Variants in KIAA1671 observed in about 807,000 individuals in gnomAD.
KIAA1671 encodes the protein KIAA1671.
In KIAA1671, 52 loss-of-function variants were observed where a neutral mutation model predicts 131.2. That is an observed-to-expected ratio of 0.40 (90% CI 0.32 to 0.50). The LOEUF is 0.50. Ranked by LOEUF, KIAA1671 falls within the 20% of genes least tolerant of loss-of-function variation. The pLI is 0.73. For missense variants in KIAA1671, 2,360 were observed against 2,364.2 expected (o/e 1.00, Z 0.04); for synonymous variants, 1,003 against 961.6 (o/e 1.04, Z -0.80).
chr22:25,002,580 AGAT>A (rs1924534231), intron 1 of KIAA1671, among the ~76,000 whole-genome samples: 1 of 152,180 alleles, frequency 6.6e-6, no homozygotes, highest in Non-Finnish European at 1.5e-5. Context: ...GAAAAACTGC[AGAT>A]GTCCTCAGGC....
chr22:25,105,827 G>T (rs1002190476), intron 6 of KIAA1671, among the ~76,000 whole-genome samples: 6 of 151,960 alleles, frequency 3.9e-5, no homozygotes, highest in East Asian at 3.9e-4. Flanking sequence ...GTTGGGGGGG[G>T]GGGGTGCCAA....
intron 3 of KIAA1671, among the ~76,000 whole-genome samples, chr22:25,031,485 C>G (rs1926290597): frequency 6.6e-6 from 1 of 151,436 alleles, no homozygotes; most frequent in Non-Finnish European, 1.5e-5. Flanking sequence ...CGTGAGCCAC[C>G]ACGCCCGGCC....
intron 6 of KIAA1671, among the ~76,000 whole-genome samples, chr22:25,085,516 C>CT (rs1209742300): frequency 2.0e-5 from 3 of 151,076 alleles, no homozygotes; most frequent in Admixed American, 1.3e-4. Context: ...ACCTCCCCCC[C>CT]CATAACCCCC....
At chr22:25,129,778 C>T (rs1313343852) in intron 6 of KIAA1671, among the ~76,000 whole-genome samples, 2 of 152,040 alleles carry the variant, frequency 1.3e-5, no homozygotes, top group Non-Finnish European at 2.9e-5. Flanking sequence ...CTTCCTGCCT[C>T]AGCCTCCCAA....
intron 1 of KIAA1671, among the ~76,000 whole-genome samples, chr22:25,020,905 G>A (rs1925632302): frequency 6.6e-6 from 1 of 152,170 alleles, no homozygotes; most frequent in Admixed American, 6.5e-5. Flanking sequence ...GGGCCTCGGG[G>A]AAGAAGTGTG....
At chr22:25,107,869 G>A (rs553131605) in intron 6 of KIAA1671, among the ~76,000 whole-genome samples, 30 of 152,190 alleles carry the variant, frequency 2.0e-4, no homozygotes, top group Non-Finnish European at 3.7e-4. Flanking sequence ...TTAGCCAGGC[G>A]TGGTGGTGCA....
chr22:25,121,636 G>A (rs1931950942), intron 6 of KIAA1671, among the ~76,000 whole-genome samples: 1 of 152,292 alleles, frequency 6.6e-6, no homozygotes, highest in Non-Finnish European at 1.5e-5. Context: ...TCCCACCATA[G>A]CCAATTGTAA....
rs1000127085 is a variant in KIAA1671, at chr22:25,028,332, C to T, written c.333C>T (p.Pro111=). The T allele has an allele frequency of 1.2e-5, 18 of 1,550,678 alleles. No individual in the cohort carries two copies. The Admixed American group carries it at 1.6e-4, about 14-fold the overall frequency. Residue 111 remains proline, a synonymous_variant, in exon 3 of 13, where the codon CCC becomes CCT. Transcript: ENST00000358431. Reference sequence around the variant, plus strand: ...CAAAGGATCTGGACAACAGGATGCCCGGCTTGGTGGGGCAGGAGGTGGGCA... The same window carrying T: ...CAAAGGATCTGGACAACAGGATGCCTGGCTTGGTGGGGCAGGAGGTGGGCA... ...PAAKDLDNRM[P]GLVGQEVGSG...
At chr22:25,174,540 C>A in intron 8 of KIAA1671, 51 bp downstream of exon 8, 1 of 1,470,874 alleles carries the variant, frequency 6.8e-7, no homozygotes, top group Non-Finnish European at 9.0e-7. Context: ...TCCAGCCTCT[C>A]TCTGTGAATT....
chr22:24,985,857 G>A (rs868510767), intron 1 of KIAA1671, among the ~76,000 whole-genome samples: 2 of 151,970 alleles, frequency 1.3e-5, no homozygotes, highest in Admixed American at 1.3e-4. Context: ...CTCTCCCTCT[G>A]GAATAGCCCC....
At chr22:25,184,599 T>G (rs1934407536) in intron 10 of KIAA1671, among the ~76,000 whole-genome samples, 1 of 152,162 alleles carries the variant, frequency 6.6e-6, no homozygotes, top group South Asian at 2.1e-4. Flanking sequence ...CTTCATTTTA[T>G]TTACATGGCT....
At chr22:25,097,566 C>T (rs1245976934) in intron 6 of KIAA1671, among the ~76,000 whole-genome samples, 1 of 152,038 alleles carries the variant, frequency 6.6e-6, no homozygotes, top group Non-Finnish European at 1.5e-5. Flanking sequence ...TGGTGAAACC[C>T]CGTCTCTACT....
chr22:25,150,836 C>CTTTTTTTTTTTTTTTTTTTTT (rs1324671566), intron 6 of KIAA1671, among the ~76,000 whole-genome samples: 1 of 125,924 alleles, frequency 7.9e-6, no homozygotes, highest in South Asian at 2.9e-4. Flanking sequence ...GGGTCCTTTG[C>CTTTTTTTTTTTTTTTTTTTTT]TTTTTTTTTT....
intron 6 of KIAA1671, among the ~76,000 whole-genome samples, chr22:25,142,986 C>T (rs772705379): frequency 2.6e-5 from 4 of 152,274 alleles, no homozygotes; most frequent in Non-Finnish European, 5.9e-5. Context: ...CGTTCTCAAA[C>T]TCAGAGCTCT....
intron 6 of KIAA1671, chr22:25,112,117 G>A: frequency 2.5e-6 from 1 of 398,354 alleles, no homozygotes; most frequent in East Asian, 3.6e-5. Flanking sequence ...AGAGGACACT[G>A]GCGTTTTAAT....
At chr22:24,976,664 G>A (rs911530673) in intron 1 of KIAA1671, among the ~76,000 whole-genome samples, 68 of 152,328 alleles carry the variant, frequency 4.5e-4, no homozygotes, top group African/African-American at 1.5e-3. Flanking sequence ...GTGGGTGGAG[G>A]AACAGGTTTG....
At chr22:24,985,162 C>CTA (rs901184855) in intron 1 of KIAA1671, among the ~76,000 whole-genome samples, 22 of 152,096 alleles carry the variant, frequency 1.4e-4, no homozygotes, top group African/African-American at 5.3e-4. Context: ...TAAAACATCT[C>CTA]TATTCACATT....
chr22:25,038,984 C>A lies in KIAA1671; in HGVS notation c.1854C>A (p.His618Gln). 1 of 1,551,766 alleles carries A rather than the reference C, an allele frequency of 6.4e-7. No homozygotes were observed. Among genetic ancestry groups the A allele is most frequent in the East Asian group, 2.4e-5 (1 of 40,920 alleles). ...QTVWATVFEH[H>Q]VERHTVADQS... ...TGTGGGCCACAGTATTTGAGCACCA[C>A]GTGGAGAGACACACAGTGGCTGACC... Residue 618 changes from histidine (H) to glutamine (Q), a missense_variant, in exon 5 of 13, where the codon CAC (histidine) becomes CAA (glutamine). Transcript: ENST00000358431.
chr22:25,067,955 C>G (rs756616483), intron 6 of KIAA1671, among the ~76,000 whole-genome samples: 7 of 152,264 alleles, frequency 4.6e-5, no homozygotes, highest in Non-Finnish European at 1.0e-4. Context: ...CACGCAGCGC[C>G]AGGGGTACAG....
Sources: gnomAD v4.1 joint callset for allele counts (sites outside exome capture counted in the v4.1 genomes callset) on GRCh38, gnomAD v4.1.1 for gene constraint, MANE v1.5 for transcripts, NCBI Gene and HGNC (gene_info 2026-07-23, HGNC 2026-07-21) for gene names.